The following DYNLL1 variants were observed in gnomAD, a reference collection of about 807,000 sequenced individuals.
DYNLL1 encodes dynein light chain LC8-type 1.
Under a neutral mutation model 10.1 loss-of-function variants are expected in DYNLL1, and 3 were observed. The ratio of observed to expected loss-of-function variants is 0.30; its 90% confidence interval spans 0.14 to 0.77. DYNLL1 has a LOEUF of 0.77. DYNLL1 is among the 30% of genes least tolerant of loss of function. The pLI, the probability that DYNLL1 is intolerant of heterozygous loss-of-function variation, is 0.66. For synonymous variants in DYNLL1, 46 were observed against 41.2 expected, an observed-to-expected ratio of 1.12 and a Z score of -0.45; for missense variants, 47 against 111.7, an observed-to-expected ratio of 0.42 and a Z score of 2.61.
chr12:120,496,732 G>A (rs1380089426), intron 2 of DYNLL1, 179 bp downstream of exon 2: 8 of 914,742 alleles, frequency 8.7e-6, no homozygotes, highest in Non-Finnish European at 1.3e-5. Flanking sequence ...CAGACCCCCG[G>A]CGTCCGAAGT....
At chr12:120,474,668 C>G (rs987999284) in intron 1 of DYNLL1, among the ~76,000 whole-genome samples, 1 of 152,180 alleles carries the variant, frequency 6.6e-6, no homozygotes, top group African/African-American at 2.4e-5. Flanking sequence ...TTCTCTGTGA[C>G]ATCAGTCCCC....
At chr12:120,486,181 G>A (rs1242162597) in intron 1 of DYNLL1, among the ~76,000 whole-genome samples, 1 of 152,184 alleles carries the variant, frequency 6.6e-6, no homozygotes, top group Non-Finnish European at 1.5e-5. Flanking sequence ...TGTAGTAAAG[G>A]TTGATTTATA....
At chr12:120,472,683 A>G (rs1308980041) in intron 1 of DYNLL1, among the ~76,000 whole-genome samples, 1 of 152,218 alleles carries the variant, frequency 6.6e-6, no homozygotes, top group Non-Finnish European at 1.5e-5. Flanking sequence ...GTAGGTGGAA[A>G]ACTGCTTGCA....
intron 1 of DYNLL1, 59 bp downstream of exon 1, chr12:120,496,275 C>G: frequency 1.5e-6 from 2 of 1,290,858 alleles, no homozygotes; most frequent in South Asian, 1.4e-5. Flanking sequence ...CCACTCCGGA[C>G]TTAGCCCTCC....
At chr12:120,470,686 C>T (rs1468499797) in intron 1 of DYNLL1, among the ~76,000 whole-genome samples, 1 of 152,158 alleles carries the variant, frequency 6.6e-6, no homozygotes, top group African/African-American at 2.4e-5. Flanking sequence ...ATCCTCCAGC[C>T]TTGGCCTCCC....
chr12:120,493,024 A>G (rs1035395101), upstream of DYNLL1, among the ~76,000 whole-genome samples: 3 of 152,112 alleles, frequency 2.0e-5, no homozygotes, highest in Admixed American at 6.5e-5. Context: ...GGGCTTGGAA[A>G]ACCTTTGCAA....
Position 120,498,373 on chromosome 12 carries a change from G to A in DYNLL1, c.*163G>A, listed in dbSNP as rs895223628. ...AGGGCATTCTCTGTACTAGTTTGTC[G>A]TGGTTATAAAACAATTAGCAGAATA... On this transcript the variant is annotated 3_prime_UTR_variant, in exon 3 of 3. Transcript: ENST00000242577. The A allele has an allele frequency of 3.9e-6, 3 of 768,748 alleles. No homozygotes were observed. The highest frequency in any genetic ancestry group is 5.7e-6 in the Non-Finnish European group (3 of 524,036). 47.6% of individuals were successfully genotyped at this position (768,748 alleles called of 1,614,324 possible).
chr12:120,473,838 C>T (rs1270078245), intron 1 of DYNLL1, among the ~76,000 whole-genome samples: 4 of 152,030 alleles, frequency 2.6e-5, no homozygotes, highest in Admixed American at 1.3e-4. Flanking sequence ...GCATTAGCCA[C>T]GGCACCTGAC....
At chr12:120,478,301 T>G (rs1878801315) in intron 1 of DYNLL1, among the ~76,000 whole-genome samples, 1 of 151,186 alleles carries the variant, frequency 6.6e-6, no homozygotes, top group African/African-American at 2.4e-5. Flanking sequence ...GAGACGAGGT[T>G]TCTCCATGTT....
At chr12:120,476,902 G>A (rs1878765750) in intron 1 of DYNLL1, among the ~76,000 whole-genome samples, 1 of 149,920 alleles carries the variant, frequency 6.7e-6, no homozygotes, top group South Asian at 2.1e-4. Context: ...ATGAGCCACC[G>A]CGCCCGGACT....
intron 1 of DYNLL1, among the ~76,000 whole-genome samples, chr12:120,487,693 A>G (rs980167035): frequency 4.6e-5 from 7 of 152,156 alleles, no homozygotes; most frequent in African/African-American, 7.2e-5. Context: ...ATATAGAGGC[A>G]GGACAAACTC....
upstream of DYNLL1, chr12:120,493,762 C>A (rs1879195523): frequency 1.3e-5 from 2 of 150,094 alleles, no homozygotes; most frequent in Non-Finnish European, 3.0e-5. Context: ...CAGGCGCTCA[C>A]CACCACGCCC....
intron 1 of DYNLL1, among the ~76,000 whole-genome samples, chr12:120,471,647 G>A (rs919501378): frequency 6.6e-6 from 1 of 152,014 alleles, no homozygotes; most frequent in East Asian, 2.0e-4. Flanking sequence ...GTCTTACACT[G>A]TCACCCAGGC....
chr12:120,496,522 T>C lies in DYNLL1; in HGVS notation c.101T>C (p.Ile34Thr). The C allele has an allele frequency of 6.2e-7, 1 of 1,613,896 alleles. No individual in the cohort carries two copies. Among genetic ancestry groups the C allele is most frequent in the Non-Finnish European group, 8.5e-7 (1 of 1,179,960 alleles). Residue 34 changes from isoleucine (I) to threonine (T), a missense_variant, in exon 2 of 3, where the codon ATA (isoleucine) becomes ACA (threonine). Physicochemically the swap from Ile to Thr is moderately conservative, Grantham distance 89. Coordinates refer to ENST00000242577, the MANE Select transcript of DYNLL1 (RefSeq NM_003746.3). ...CATQALEKYN[I>T]EKDIAAHIKK... The stretch of plus-strand genomic sequence containing the variant: ...ACTCAGGCGCTGGAGAAATACAACA[T>C]AGAGAAGGACATTGCGGCTCATATC...
chr12:120,470,600 G>C (rs768937620), intron 1 of DYNLL1, among the ~76,000 whole-genome samples: 20 of 152,156 alleles, frequency 1.3e-4, no homozygotes, highest in Non-Finnish European at 8.8e-5. Flanking sequence ...GCCGTGAGGG[G>C]TCTGCGCTGC....
intron 1 of DYNLL1, among the ~76,000 whole-genome samples, chr12:120,473,880 G>C (rs1332832678): frequency 6.6e-6 from 1 of 151,914 alleles, no homozygotes; most frequent in Non-Finnish European, 1.5e-5. Context: ...TGAGGTGGGA[G>C]GACTGCTTGA....
In DYNLL1 at chr12:120,498,311, A is replaced by G; in HGVS notation, c.*101A>G. The G allele has an allele frequency of 7.0e-7, 1 of 1,434,124 alleles. No individual in the cohort carries two copies. The highest frequency in any genetic ancestry group is 9.3e-7 in the Non-Finnish European group (1 of 1,070,850). 88.8% of individuals were successfully genotyped at this position (1,434,124 alleles called of 1,614,324 possible). ...CTGAAATTTTCAGCCTTGCTAAGGGAACATCTCGATGTTTGAACCTTTGTT... is the reference window on the plus strand; with the variant it reads ...CTGAAATTTTCAGCCTTGCTAAGGGGACATCTCGATGTTTGAACCTTTGTT... On this transcript the variant is annotated 3_prime_UTR_variant, in exon 3 of 3. Transcript: ENST00000242577.
At chr12:120,477,637 T>C (rs1316652176) in intron 1 of DYNLL1, among the ~76,000 whole-genome samples, 1 of 151,866 alleles carries the variant, frequency 6.6e-6, no homozygotes, top group Admixed American at 6.6e-5. Flanking sequence ...AAGCTGGGTG[T>C]GATGGTGTGC....
rs1158070775 is a variant in DYNLL1, at chr12:120,496,397, C to G, written c.-6-19C>G. ...GGCGCGGCCCAACTCAACCCCTTAC[C>G]CCAGGCCTTGCCCACTAGGTAACCA... On this transcript the variant is annotated intron_variant, in intron 1 of 2. Coordinates refer to ENST00000242577, the MANE Select transcript of DYNLL1 (RefSeq NM_003746.3). 3.7e-6 allele frequency: 6 copies of G among 1,613,796 alleles called. No homozygotes were observed. The highest frequency in any genetic ancestry group is 5.1e-6 in the Non-Finnish European group (6 of 1,179,958).
Sources: allele counts gnomAD v4.1 joint callset (sites outside exome capture counted in the v4.1 genomes callset), GRCh38; gene constraint gnomAD v4.1.1; transcripts MANE v1.5; gene names NCBI Gene and HGNC (gene_info 2026-07-23, HGNC 2026-07-21).